The following SIPA1L3 variants were observed in gnomAD, a reference collection of about 807,000 sequenced individuals.
SIPA1L3 encodes signal-induced proliferation-associated 1-like protein 3.
Under a neutral mutation model 150.1 loss-of-function variants are expected in SIPA1L3, and 59 were observed. The observed-to-expected ratio is 0.39, with a 90% CI of 0.32 to 0.49. SIPA1L3 has a LOEUF of 0.49. SIPA1L3 is among the 20% of genes least tolerant of loss of function. The pLI, the probability that SIPA1L3 is intolerant of heterozygous loss-of-function variation, is 0.86. For missense variants in SIPA1L3, 2,211 were observed against 2,489.5 expected, an observed-to-expected ratio of 0.89 and a Z score of 2.38; for synonymous variants, 1,070 against 1,077.6, an observed-to-expected ratio of 0.99 and a Z score of 0.14.
chr19:38,118,637 C>T (rs542078110), intron 8 of SIPA1L3, among the ~76,000 whole-genome samples: 6 of 151,806 alleles, frequency 4.0e-5, no homozygotes, highest in South Asian at 2.1e-4. Flanking sequence ...AGGTTCACGC[C>T]GTTCTCCTGT....
At position 37,929,756 on chromosome 19, in the gene SIPA1L3, C is replaced by T. The variant is rs1043509498; in HGVS notation, c.-379+22398C>T. ...GGAGAGGATGCCAGTCAAGTGCTTACCCCCAGGGGCCAGCGCATGGTAAGT... is the reference window on the plus strand; with the variant it reads ...GGAGAGGATGCCAGTCAAGTGCTTATCCCCAGGGGCCAGCGCATGGTAAGT... On this transcript the variant is annotated intron_variant, in intron 1 of 21. Transcript: ENST00000222345. 3.2e-4 allele frequency among the ~76,000 whole-genome samples: 49 copies of T among 152,308 alleles called. No individual in the cohort carries two copies. In the Middle Eastern group the frequency reaches 0.01, roughly 32 times the overall value.
At position 38,164,540 on chromosome 19, in the gene SIPA1L3, G is replaced by A; in HGVS notation, c.3842G>A (p.Ser1281Asn). Reference sequence around the variant, plus strand: ...ACCCTCTCCAGCAACGCATCCAGCAGCCACAGCGACGACCGCTGGTTCGAC... The same window carrying A: ...ACCCTCTCCAGCAACGCATCCAGCAACCACAGCGACGACCGCTGGTTCGAC... Reference protein sequence around the residue: ...SNTLSSNASSSHSDDRWFDPL... With the variant: ...SNTLSSNASSNHSDDRWFDPL... Residue 1281 changes from serine (S) to asparagine (N), a missense_variant, in exon 15 of 22, where the codon AGC becomes AAC. Physicochemically the swap from Ser to Asn is conservative, Grantham distance 46. Transcript: ENST00000222345. This position sits in a 1 kb window ranked among gnomAD's most constrained non-coding sequence, Gnocchi z 4.1. The A allele has an allele frequency of 1.9e-6, 3 of 1,614,036 alleles. No individual in the cohort carries two copies. The highest frequency in any genetic ancestry group is 1.7e-6 in the Non-Finnish European group (2 of 1,179,930).
At chr19:38,123,520 G>T (rs924086596) in intron 9 of SIPA1L3, among the ~76,000 whole-genome samples, 1 of 24,886 alleles carries the variant, frequency 4.0e-5, no homozygotes, top group Non-Finnish European at 6.6e-5. Flanking sequence ...ATCTTGCACC[G>T]CCCTTAATCC....
chr19:37,919,705 C>CT (rs10644508), intron 1 of SIPA1L3, among the ~76,000 whole-genome samples: 52,086 of 84,210 alleles, frequency 0.62, 17,349 homozygotes, highest in South Asian at 0.75. Context: ...GGCCCTGAGG[C>CT]TTTTTTTTTT....
intron 11 of SIPA1L3, 111 bp from the exon 12 acceptor site, chr19:38,142,462 G>GGTCT (rs997230734): frequency 1.6e-6 from 2 of 1,248,110 alleles, no homozygotes; most frequent in South Asian, 1.6e-5. Flanking sequence ...AAGTTCGGTT[G>GGTCT]GTCTGTCTGT....
Position 38,183,109 on chromosome 19 carries a change from AG to A in SIPA1L3, c.4430+373del, listed in dbSNP as rs1337817208. On this transcript the variant is annotated intron_variant, in intron 16 of 21. Transcript: ENST00000222345. The stretch of plus-strand genomic sequence containing the variant: ...CGGGGTGGCTGGAACAGTTTGGGCC[AG>A]GGGAGGGTGTGGGAACATGAGGTCA... 1.3e-5 allele frequency: 3 copies of A among 224,700 alleles called. No homozygotes were observed. The East Asian group carries it at 3.9e-4, about 29-fold the overall frequency. 13.9% of individuals were successfully genotyped at this position (224,700 alleles called of 1,614,324 possible).
chr19:38,049,698 G>C (rs544500652), intron 2 of SIPA1L3, among the ~76,000 whole-genome samples: 1 of 152,284 alleles, frequency 6.6e-6, no homozygotes, highest in Admixed American at 6.5e-5. Context: ...ACTTTTGGTA[G>C]AACTGGGGTT....
chr19:38,078,589 C>T (rs908358632), intron 2 of SIPA1L3, among the ~76,000 whole-genome samples: 40 of 107,322 alleles, frequency 3.7e-4, no homozygotes, highest in African/African-American at 1.6e-3. Context: ...CGCACACACA[C>T]ACAGACACAC....
At chr19:38,199,387 G>A (rs1568607924) in intron 19 of SIPA1L3, among the ~76,000 whole-genome samples, 1 of 152,126 alleles carries the variant, frequency 6.6e-6, no homozygotes, top group Admixed American at 6.6e-5. Context: ...CCACTCCCCC[G>A]CAACCGTGGG....
chr19:38,099,854 C>A, intron 4 of SIPA1L3, 108 bp from the exon 5 acceptor site: 1 of 977,178 alleles, frequency 1.0e-6, no homozygotes, highest in Non-Finnish European at 1.5e-6. Flanking sequence ...AGAGCACAAA[C>A]TTCCAATCAT....
intron 3 of SIPA1L3, among the ~76,000 whole-genome samples, chr19:38,088,187 T>A (rs945688419): frequency 6.6e-6 from 1 of 152,158 alleles, no homozygotes; most frequent in African/African-American, 2.4e-5. Context: ...GAAGGCTGGG[T>A]CCACCTTTAA....
chr19:37,943,269 G>A (rs1194671369), intron 1 of SIPA1L3, among the ~76,000 whole-genome samples: 1 of 152,080 alleles, frequency 6.6e-6, no homozygotes, highest in Admixed American at 6.6e-5. Flanking sequence ...GAGGCCCAGA[G>A]AAGTGAAGTC....
intron 8 of SIPA1L3, among the ~76,000 whole-genome samples, chr19:38,115,340 G>A (rs1263233593): frequency 6.6e-6 from 1 of 152,202 alleles, no homozygotes; most frequent in African/African-American, 2.4e-5. Flanking sequence ...CCCTGCTGGT[G>A]CTTCTCATTG....
At chr19:38,079,883 A>G (rs1969937953) in intron 2 of SIPA1L3, among the ~76,000 whole-genome samples, 1 of 152,142 alleles carries the variant, frequency 6.6e-6, no homozygotes, top group Admixed American at 6.5e-5. Context: ...AACTGACATC[A>G]TGGGAAGGAA....
At chr19:38,123,740 C>T (rs1216640119) in intron 9 of SIPA1L3, among the ~76,000 whole-genome samples, 3 of 152,086 alleles carry the variant, frequency 2.0e-5, no homozygotes, top group African/African-American at 4.8e-5. Flanking sequence ...TCCACAAAAC[C>T]GCCATTGTCA....
intron 14 of SIPA1L3, among the ~76,000 whole-genome samples, chr19:38,163,886 C>T (rs530540502): frequency 7.2e-5 from 11 of 152,244 alleles, no homozygotes; most frequent in Admixed American, 3.3e-4. Flanking sequence ...TGTTCTCAGC[C>T]TTCTGCTGGC....
intron 1 of SIPA1L3, among the ~76,000 whole-genome samples, chr19:38,005,352 A>C (rs1222788645): frequency 4.1e-4 from 53 of 128,530 alleles, no homozygotes; most frequent in African/African-American, 5.2e-4. Flanking sequence ...ACCCGCCCCC[A>C]CTCCCGCCTC....
intron 1 of SIPA1L3, among the ~76,000 whole-genome samples, chr19:37,973,460 C>T (rs2145598130): frequency 6.7e-6 from 1 of 149,480 alleles, no homozygotes; most frequent in African/African-American, 2.5e-5. Context: ...GTCTCGAACT[C>T]CCGACCTCAG....
intron 2 of SIPA1L3, among the ~76,000 whole-genome samples, chr19:38,034,728 C>T (rs1469928595): frequency 2.6e-5 from 4 of 152,208 alleles, no homozygotes; most frequent in Non-Finnish European, 4.4e-5. Context: ...ACCAGCTGCA[C>T]GTCTTATTCC....
Sources: allele counts gnomAD v4.1 joint callset (sites outside exome capture counted in the v4.1 genomes callset), GRCh38; gene constraint gnomAD v4.1.1; non-coding constraint Gnocchi (gnomAD v3.1); transcripts MANE v1.5; gene names NCBI Gene and HGNC (gene_info 2026-07-23, HGNC 2026-07-21).